FSTL4: variants seen among roughly 807,000 people sequenced by gnomAD.
FSTL4 encodes the protein follistatin-related protein 4.
A neutral mutation model predicts 78.2 loss-of-function variants in FSTL4; 28 were observed. The ratio of observed to expected loss-of-function variants is 0.36; its 90% CI spans 0.27 to 0.49. The LOEUF (loss-of-function observed/expected upper bound fraction) is 0.49, where lower values mean the gene tolerates loss of function less well. FSTL4 is among the 20% of genes least tolerant of loss of function. FSTL4 has a pLI of 0.98. For synonymous variants in FSTL4, 422 were observed against 440.5 expected (o/e 0.96, Z 0.53); for missense variants, 922 against 1,084.9 (o/e 0.85, Z 2.11).
At position 133,199,945 on chromosome 5, in the gene FSTL4, G is replaced by T. The variant is rs983204748; in HGVS notation, c.1827-148C>A. On this transcript the variant is annotated intron_variant, in intron 15 of 15. Transcript: ENST00000265342. This position sits in a 1 kb window ranked among gnomAD's most constrained non-coding sequence, Gnocchi z 4.4. Reference sequence around the variant, plus strand: ...AGTAATAAGATCTATCATTCTGCAGGGGATGTCTTCATAAACAAATAATCT... The same window carrying T: ...AGTAATAAGATCTATCATTCTGCAGTGGATGTCTTCATAAACAAATAATCT... 1.7e-6 allele frequency: 1 copy of T among 596,086 alleles called. No homozygotes were observed. The highest frequency in any genetic ancestry group is 3.0e-5 in the Admixed American group (1 of 33,558). The allele number at this position is 596,086 out of a possible 1,614,324, so 36.9% of individuals were successfully genotyped here. A position where few individuals can be genotyped will look rare whatever the true frequency, so the allele number is the denominator to read the frequency against.
At chr5:133,766,119 G>A in the FSTL4 span, among the ~76,000 whole-genome samples, 1 of 152,180 alleles carries the variant, frequency 6.6e-6, no homozygotes, top group South Asian at 2.1e-4. Context: ...TGCTGGAGGG[G>A]TGAATTACTG....
the FSTL4 span, among the ~76,000 whole-genome samples, chr5:133,775,616 A>G: frequency 1.3e-5 from 2 of 152,214 alleles, no homozygotes; most frequent in Non-Finnish European, 2.9e-5. Flanking sequence ...TGGAAATGAT[A>G]TTTATAAGAT....
chr5:133,556,552 C>A (rs1759790571), intron 3 of FSTL4, among the ~76,000 whole-genome samples: 1 of 152,054 alleles, frequency 6.6e-6, no homozygotes, highest in African/African-American at 2.4e-5. Flanking sequence ...TTGGTGAAAC[C>A]CCGTCTCTAC....
intron 10 of FSTL4, 72 bp from the exon 11 acceptor site, chr5:133,224,288 C>T (rs1326261950): frequency 8.7e-6 from 10 of 1,148,026 alleles, no homozygotes; most frequent in African/African-American, 3.0e-5. Context: ...AGTGTTAAAC[C>T]GTCACTGCAG....
the FSTL4 span, among the ~76,000 whole-genome samples, chr5:133,733,857 G>T: frequency 6.6e-6 from 1 of 152,196 alleles, no homozygotes; most frequent in Admixed American, 6.5e-5. Flanking sequence ...AGGTCTGACC[G>T]AGGCTTGGAT....
chr5:133,577,678 A>C (rs1387718603), intron 2 of FSTL4, among the ~76,000 whole-genome samples: 1 of 152,190 alleles, frequency 6.6e-6, no homozygotes, highest in Non-Finnish European at 1.5e-5. Context: ...AGAATGTGCA[A>C]GTCTCCTTTG....
chr5:133,786,975 A>G, the FSTL4 span, among the ~76,000 whole-genome samples: 13 of 152,120 alleles, frequency 8.5e-5, no homozygotes, highest in Non-Finnish European at 5.9e-5. Flanking sequence ...TAGTTAGTAC[A>G]TTAGAGAGAT....
chr5:133,770,556 C>A, the FSTL4 span, among the ~76,000 whole-genome samples: 1 of 152,036 alleles, frequency 6.6e-6, no homozygotes, highest in African/African-American at 2.4e-5. Context: ...ATGTCCTTTG[C>A]CCAATTTTTA....
the FSTL4 span, among the ~76,000 whole-genome samples, chr5:133,666,229 T>C: frequency 6.6e-6 from 1 of 152,200 alleles, no homozygotes; most frequent in African/African-American, 2.4e-5. Context: ...TAAAGAATCA[T>C]TTCAGTGAGC....
chr5:133,318,849 T>A (rs936369385), intron 4 of FSTL4, among the ~76,000 whole-genome samples: 5 of 152,254 alleles, frequency 3.3e-5, no homozygotes, highest in African/African-American at 1.2e-4. Flanking sequence ...AGCTGCCTGC[T>A]GCCCTGGGCA....
At chr5:133,488,444 T>G (rs981351380) in intron 3 of FSTL4, among the ~76,000 whole-genome samples, 1 of 152,114 alleles carries the variant, frequency 6.6e-6, no homozygotes, top group Non-Finnish European at 1.5e-5. Flanking sequence ...GGTAGAGATG[T>G]GGTTTCGCCA....
At chr5:133,342,608 T>A (rs367763937) in intron 4 of FSTL4, among the ~76,000 whole-genome samples, 4 of 152,116 alleles carry the variant, frequency 2.6e-5, no homozygotes, top group Non-Finnish European at 2.9e-5. Flanking sequence ...GAGGGCCTAC[T>A]ATGGACGTCC....
rs76449528 is a variant in FSTL4, at chr5:133,567,774, A to C, written c.127-555T>G. 9.5e-3 allele frequency among the ~76,000 whole-genome samples: 1,447 copies of C among 152,340 alleles called. 24 individuals carry two copies. The highest frequency in any genetic ancestry group is 0.033 in the African/African-American group (1,371 of 41,576). On this transcript the variant is annotated intron_variant, in intron 2 of 15. Transcript: ENST00000265342. ...TAGCCAGTTCATGCCACTGGACTAA[A>C]TTAAGCCCTTGGGTTTTCTTAATTC...
At chr5:133,299,726 C>T (rs562640532) in intron 6 of FSTL4, among the ~76,000 whole-genome samples, 9 of 152,248 alleles carry the variant, frequency 5.9e-5, no homozygotes, top group South Asian at 2.1e-4. Flanking sequence ...GCCCCATCAC[C>T]GCTCCTCCTT....
chr5:133,438,868 G>A (rs546925173), intron 3 of FSTL4, among the ~76,000 whole-genome samples: 2 of 152,340 alleles, frequency 1.3e-5, no homozygotes, highest in South Asian at 2.1e-4. Context: ...TAAGAATGGG[G>A]TTATGTGAGA....
chr5:133,625,744 TTCCATATATATATTCCATATATATTCC>T, the FSTL4 span, among the ~76,000 whole-genome samples: 2 of 89,704 alleles, frequency 2.2e-5, no homozygotes. Context: ...TATATATATA[TTCCATATATATATTCCATATATATTCC>T]ATATATATAT....
intron 3 of FSTL4, among the ~76,000 whole-genome samples, chr5:133,545,026 T>C (rs144887308): frequency 1.3e-5 from 2 of 152,326 alleles, no homozygotes; most frequent in South Asian, 2.1e-4. Flanking sequence ...CTTGGAGTAA[T>C]AGGAGTATCT....
intron 6 of FSTL4, among the ~76,000 whole-genome samples, chr5:133,307,715 A>T (rs965827017): frequency 3.9e-5 from 6 of 152,052 alleles, no homozygotes; most frequent in Non-Finnish European, 8.8e-5. Flanking sequence ...ACTTGAAGTC[A>T]GGACAGCACC....
At chr5:133,701,468 AACAC>A in the FSTL4 span, among the ~76,000 whole-genome samples, 1,022 of 129,068 alleles carry the variant, frequency 7.9e-3, 18 homozygotes, top group Non-Finnish European at 7.8e-3. Flanking sequence ...AAGACACAGA[AACAC>A]ACACACACAC....
Sources: allele counts gnomAD v4.1 joint callset (sites outside exome capture counted in the v4.1 genomes callset), GRCh38; gene constraint gnomAD v4.1.1; non-coding constraint Gnocchi (gnomAD v3.1); transcripts MANE v1.5; gene names NCBI Gene and HGNC (gene_info 2026-07-23, HGNC 2026-07-21).